Variants in ADAMTSL1 observed in about 807,000 individuals in gnomAD.
The protein encoded by ADAMTSL1 is ADAMTS like 1.
Under a neutral mutation model 201.8 loss-of-function variants are expected in ADAMTSL1, and 126 were observed. The observed-to-expected ratio is 0.62, with a 90% confidence interval of 0.54 to 0.72. The LOEUF (loss-of-function observed/expected upper bound fraction) is 0.72. ADAMTSL1 is among the 30% of genes least tolerant of loss of function. ADAMTSL1 has a pLI of 0.00. For synonymous variants in ADAMTSL1, 1,121 were observed against 903.4 expected, an observed-to-expected ratio of 1.24 and a Z score of -4.32; for missense variants, 2,679 against 2,277.8, an observed-to-expected ratio of 1.18 and a Z score of -3.59.
intron 2 of ADAMTSL1, among the ~76,000 whole-genome samples, chr9:18,248,918 A>G (rs1164429368): frequency 2.0e-5 from 3 of 152,258 alleles, no homozygotes; most frequent in Admixed American, 6.5e-5. Context: ...ACAAAGTACT[A>G]TGTGACATAG....
Position 18,091,858 on chromosome 9 carries a change from TGTGA to T in ADAMTSL1, c.88-71988_88-71985del, listed in dbSNP as rs922621955. Among the ~76,000 whole-genome samples the T allele has an allele frequency of 3.3e-5, 5 of 151,966 alleles. No homozygotes were observed. In the East Asian group the frequency reaches 5.8e-4, roughly 18 times the overall value. The stretch of plus-strand genomic sequence containing the variant: ...TAAGAAAACAGAGCAGCACGGGTAT[TGTGA>T]GTGAGTGAGTGAGTGGTATAATTAG... On this transcript the variant is annotated intron_variant, in intron 1 of 29. Transcript: ENST00000680146.
chr9:18,405,887 T>TA (rs1818171627), intron 2 of ADAMTSL1, among the ~76,000 whole-genome samples: 2 of 152,280 alleles, frequency 1.3e-5, no homozygotes, highest in Non-Finnish European at 2.9e-5. Context: ...TTTCTTTTTT[T>TA]AAAAAAACAA....
At chr9:18,085,771 A>G (rs144072198) in intron 1 of ADAMTSL1, among the ~76,000 whole-genome samples, 3,091 of 150,184 alleles carry the variant, frequency 0.021, 110 homozygotes, top group African/African-American at 0.072. Context: ...GTGTGTGTGT[A>G]TATATATATA....
intron 5 of ADAMTSL1, among the ~76,000 whole-genome samples, chr9:18,631,049 CTGAG>C (rs1274222438): frequency 1.3e-5 from 2 of 152,146 alleles, no homozygotes; most frequent in Non-Finnish European, 2.9e-5. Flanking sequence ...GGATTATCGC[CTGAG>C]TGAGAGGGAA....
At chr9:18,523,846 C>T (rs1818863614) in intron 2 of ADAMTSL1, among the ~76,000 whole-genome samples, 1 of 137,386 alleles carries the variant, frequency 7.3e-6, no homozygotes, top group South Asian at 2.4e-4. Context: ...TTACTGTAGC[C>T]TTGCAGTATA....
chr9:18,266,919 C>G (rs766148418), intron 2 of ADAMTSL1, among the ~76,000 whole-genome samples: 1 of 152,144 alleles, frequency 6.6e-6, no homozygotes, highest in Non-Finnish European at 1.5e-5. Flanking sequence ...TCGAGTCCTT[C>G]CTGTTGGAAT....
intron 1 of ADAMTSL1, among the ~76,000 whole-genome samples, chr9:18,100,357 T>C (rs1824461022): frequency 6.6e-6 from 1 of 152,150 alleles, no homozygotes; most frequent in Non-Finnish European, 1.5e-5. Context: ...CATGGCTCAT[T>C]GCAGCCTGGA....
At chr9:18,660,883 C>G (rs147424748) in intron 8 of ADAMTSL1, among the ~76,000 whole-genome samples, 22 of 152,176 alleles carry the variant, frequency 1.4e-4, no homozygotes, top group Non-Finnish European at 2.5e-4. Context: ...GCCAGGAAAT[C>G]TGGCTCATAA....
chr9:18,146,313 T>C (rs1325118600), intron 1 of ADAMTSL1, among the ~76,000 whole-genome samples: 1 of 152,188 alleles, frequency 6.6e-6, no homozygotes, highest in Non-Finnish European at 1.5e-5. Flanking sequence ...TTATGGCAGC[T>C]TTATTTATAG....
At chr9:18,527,140 C>A (rs768690148) in intron 2 of ADAMTSL1, among the ~76,000 whole-genome samples, 3 of 151,842 alleles carry the variant, frequency 2.0e-5, no homozygotes, top group African/African-American at 4.8e-5. Flanking sequence ...AAAGCAAAAG[C>A]AAAAAGAAAA....
intron 5 of ADAMTSL1, among the ~76,000 whole-genome samples, chr9:18,632,421 A>G (rs1290331539): frequency 6.6e-6 from 1 of 152,200 alleles, no homozygotes; most frequent in East Asian, 1.9e-4. Flanking sequence ...CATAAGAAAA[A>G]GTTTTTATGG....
intron 23 of ADAMTSL1, among the ~76,000 whole-genome samples, chr9:18,864,931 T>G (rs1457248678): frequency 6.6e-6 from 1 of 152,186 alleles, no homozygotes; most frequent in Non-Finnish European, 1.5e-5. Flanking sequence ...CTTAGGGATG[T>G]TAGACCCATT....
At chr9:18,056,130 T>A (rs995668482) in intron 1 of ADAMTSL1, among the ~76,000 whole-genome samples, 1 of 149,798 alleles carries the variant, frequency 6.7e-6, no homozygotes, top group African/African-American at 2.5e-5. Context: ...TTAGAAAGGG[T>A]GATTTTTTTT....
chr9:18,086,830 T>C (rs934057789), intron 1 of ADAMTSL1, among the ~76,000 whole-genome samples: 13 of 152,232 alleles, frequency 8.5e-5, no homozygotes, highest in Admixed American at 2.0e-4. Flanking sequence ...TAATTTTTCA[T>C]AGTATTAGCT....
At position 18,107,709 on chromosome 9, in the gene ADAMTSL1, A is replaced by G. The variant is rs1213029749; in HGVS notation, c.88-56153A>G. Among the ~76,000 whole-genome samples the G allele has an allele frequency of 3.3e-5, 5 of 152,308 alleles. No homozygotes were observed. The East Asian group carries it at 5.8e-4, about 18-fold the overall frequency. ...GAGCAGAAAGATTCTTGAAGTCCAG[A>G]CTGTGTTTTATGTGCTGCCTTTTTT... On this transcript the variant is annotated intron_variant, in intron 1 of 29. Transcript: ENST00000680146.
intron 2 of ADAMTSL1, among the ~76,000 whole-genome samples, chr9:18,380,134 A>G (rs1029469614): frequency 6.6e-6 from 1 of 152,054 alleles, no homozygotes; most frequent in Non-Finnish European, 1.5e-5. Context: ...AAGATTTCTC[A>G]CTGTTTATTT....
chr9:18,908,349 A>G lies in ADAMTSL1; in HGVS notation c.5183-93A>G. On this transcript the variant is annotated intron_variant, in intron 28 of 28. Coordinates refer to ENST00000380548, the MANE Select transcript of ADAMTSL1 (RefSeq NM_001040272.6). ...CCCAGGATGTACCCCAGTGGCTGAAACCCCCGGCTGCACCTCACACAGGCT... is the reference window on the plus strand; with the variant it reads ...CCCAGGATGTACCCCAGTGGCTGAAGCCCCCGGCTGCACCTCACACAGGCT... The G allele has an allele frequency of 2.7e-6, 3 of 1,096,430 alleles. No homozygotes were observed. The Admixed American group carries it at 6.0e-5, about 22-fold the overall frequency. 67.9% of individuals were successfully genotyped at this position (1,096,430 alleles called of 1,614,324 possible).
At chr9:18,858,859 T>A (rs1228254490) in intron 23 of ADAMTSL1, among the ~76,000 whole-genome samples, 1 of 152,218 alleles carries the variant, frequency 6.6e-6, no homozygotes, top group Non-Finnish European at 1.5e-5. Context: ...GGGAACTCCA[T>A]AAGCCCTCTA....
intron 1 of ADAMTSL1, among the ~76,000 whole-genome samples, chr9:18,052,905 T>C (rs1822001357): frequency 6.6e-6 from 1 of 152,198 alleles, no homozygotes; most frequent in South Asian, 2.1e-4. Flanking sequence ...TTTGACATGG[T>C]CACCTACTTT....
Sources: gnomAD v4.1 joint callset for allele counts (sites outside exome capture counted in the v4.1 genomes callset) on GRCh38, gnomAD v4.1.1 for gene constraint, MANE v1.5 for transcripts, NCBI Gene and HGNC (gene_info 2026-07-23, HGNC 2026-07-21) for gene names.